ADAMTSL1: variants seen among roughly 807,000 people sequenced by gnomAD.
ADAMTSL1 encodes the protein ADAMTS-like protein 1.
A neutral mutation model predicts 201.8 loss-of-function variants in ADAMTSL1; 126 were observed. The ratio of observed to expected loss-of-function variants is 0.62; its 90% confidence interval spans 0.54 to 0.72. The LOEUF (loss-of-function observed/expected upper bound fraction) is 0.72, where lower values mean the gene tolerates loss of function less well. Among genes scored for constraint, ADAMTSL1 ranks in the 30% least tolerant of loss-of-function variants. The pLI is 0.00. For missense variants in ADAMTSL1, 2,679 were observed against 2,277.8 expected (o/e 1.18, Z -3.59); for synonymous variants, 1,121 against 903.4 (o/e 1.24, Z -4.32).
chr9:18,721,377 CA>C (rs1354084104), intron 14 of ADAMTSL1, among the ~76,000 whole-genome samples, 158 bp from the exon 15 acceptor site: 1 of 152,174 alleles, frequency 6.6e-6, no homozygotes, highest in Non-Finnish European at 1.5e-5. Context: ...TGATGCTTGA[CA>C]AGATTGGCAG....
In ADAMTSL1 at chr9:18,889,563, G is replaced by A; in HGVS notation, c.4463-5G>A. On this transcript the variant is annotated splice_region_variant and splice_polypyrimidine_tract_variant and intron_variant, in intron 24 of 28. Coordinates refer to ENST00000380548, the MANE Select transcript of ADAMTSL1 (RefSeq NM_001040272.6). ...TTTTCTACACTGCTCCTCCTCCCATGACAGATTACTGGTGGTCTGTGGACA... is the reference window on the plus strand; with the variant it reads ...TTTTCTACACTGCTCCTCCTCCCATAACAGATTACTGGTGGTCTGTGGACA... 2 of 1,613,416 alleles carry A rather than the reference G, an allele frequency of 1.2e-6. No homozygotes were observed. Among genetic ancestry groups the A allele is most frequent in the South Asian group, 2.2e-5 (2 of 91,016 alleles).
chr9:18,423,019 G>A (rs1364090481), intron 2 of ADAMTSL1, among the ~76,000 whole-genome samples: 10 of 152,154 alleles, frequency 6.6e-5, no homozygotes, highest in Non-Finnish European at 5.9e-5. Flanking sequence ...TAAGACCTTT[G>A]TATGGGATAG....
intron 23 of ADAMTSL1, among the ~76,000 whole-genome samples, chr9:18,886,414 C>A (rs1227466692): frequency 3.3e-5 from 5 of 151,654 alleles, no homozygotes; most frequent in African/African-American, 1.2e-4. Context: ...GAAAAAATCC[C>A]TTCTCTCTAT....
intron 23 of ADAMTSL1, among the ~76,000 whole-genome samples, chr9:18,861,805 G>C (rs1827230439): frequency 6.6e-6 from 1 of 152,066 alleles, no homozygotes; most frequent in Admixed American, 6.5e-5. Context: ...GAGCCAGCCA[G>C]ATCCTTTCAG....
intron 1 of ADAMTSL1, among the ~76,000 whole-genome samples, chr9:18,493,069 G>A (rs1049179885): frequency 6.6e-6 from 1 of 152,140 alleles, no homozygotes; most frequent in African/African-American, 2.4e-5. Flanking sequence ...ATATCACCTA[G>A]TCCCTAGCTT....
At chr9:18,707,079 G>T in intron 14 of ADAMTSL1, 31 bp downstream of exon 14, 1 of 1,591,480 alleles carries the variant, frequency 6.3e-7, no homozygotes, top group African/African-American at 1.3e-5. Flanking sequence ...TCAGATCCCC[G>T]CCATCTTCTT....
At chr9:18,458,517 C>T (rs145103369) in intron 2 of ADAMTSL1, among the ~76,000 whole-genome samples, 1 of 152,176 alleles carries the variant, frequency 6.6e-6, no homozygotes, top group Non-Finnish European at 1.5e-5. Context: ...TTTGCCCTAA[C>T]CTTCCATAGA....
intron 23 of ADAMTSL1, among the ~76,000 whole-genome samples, chr9:18,861,127 T>C (rs370268231): frequency 5.3e-5 from 8 of 151,074 alleles, no homozygotes; most frequent in Admixed American, 2.0e-4. Flanking sequence ...ATCATATACA[T>C]ATCCCTCGTT....
chr9:18,709,635 C>T (rs902789037), intron 14 of ADAMTSL1, among the ~76,000 whole-genome samples: 1 of 152,108 alleles, frequency 6.6e-6, no homozygotes, highest in African/African-American at 2.4e-5. Context: ...ACTGAAAATC[C>T]CATTTTCTGG....
chr9:18,500,471 T>G (rs929930645), intron 1 of ADAMTSL1, among the ~76,000 whole-genome samples: 5 of 152,218 alleles, frequency 3.3e-5, no homozygotes, highest in African/African-American at 1.2e-4. Context: ...GCTGAGTTTC[T>G]GAGAAGACAG....
chr9:18,396,657 C>T (rs149866008), intron 2 of ADAMTSL1, among the ~76,000 whole-genome samples: 2 of 151,166 alleles, frequency 1.3e-5, no homozygotes, highest in Admixed American at 1.3e-4. Flanking sequence ...AGAGTACCAG[C>T]CTTTATCAGC....
intron 17 of ADAMTSL1, among the ~76,000 whole-genome samples, chr9:18,771,283 C>T (rs369513932): frequency 1.3e-5 from 2 of 152,202 alleles, no homozygotes; most frequent in South Asian, 4.1e-4. Context: ...TTTCCTGGCT[C>T]TAAAATACTT....
intron 2 of ADAMTSL1, among the ~76,000 whole-genome samples, chr9:18,165,172 T>G (rs1241123775): frequency 2.0e-5 from 3 of 151,996 alleles, no homozygotes; most frequent in African/African-American, 4.8e-5. Flanking sequence ...TTCCTTCTTA[T>G]GAAAAATATC....
chr9:18,281,608 A>G (rs1197573257), intron 2 of ADAMTSL1, among the ~76,000 whole-genome samples: 2 of 152,264 alleles, frequency 1.3e-5, no homozygotes, highest in Non-Finnish European at 2.9e-5. Flanking sequence ...GTTTTTCAGT[A>G]ACTAAGGTAT....
chr9:18,532,215 T>C (rs955278900), intron 2 of ADAMTSL1, among the ~76,000 whole-genome samples: 5 of 152,166 alleles, frequency 3.3e-5, no homozygotes, highest in Admixed American at 6.5e-5. Context: ...TTTTTGTTCA[T>C]AGGAATGCAG....
chr9:18,315,644 C>T lies in ADAMTSL1; in HGVS notation c.207+151663C>T, dbSNP rs536408906. Among the ~76,000 whole-genome samples the T allele has an allele frequency of 5.3e-5, 8 of 152,328 alleles. No homozygotes were observed. In the South Asian group the frequency reaches 6.2e-4, roughly 12 times the overall value. ...CTGAGTGCGGGGCCCACCGATCCCG[C>T]GCCCACCTGGAACTCGCGCTGGCCC... On this transcript the variant is annotated intron_variant, in intron 2 of 29. Coordinates refer to the ADAMTSL1 transcript ENST00000680146.
intron 1 of ADAMTSL1, among the ~76,000 whole-genome samples, chr9:18,100,526 A>T (rs1824468421): frequency 6.6e-6 from 1 of 152,170 alleles, no homozygotes; most frequent in South Asian, 2.1e-4. Context: ...AAGTTCACAG[A>T]GCTCTATATT....
intron 1 of ADAMTSL1, among the ~76,000 whole-genome samples, chr9:18,005,292 A>G (rs1041362550): frequency 2.6e-5 from 4 of 152,086 alleles, no homozygotes; most frequent in African/African-American, 4.8e-5. Flanking sequence ...ACAGCTCACT[A>G]GAGAAGTGTG....
intron 2 of ADAMTSL1, among the ~76,000 whole-genome samples, chr9:18,508,299 A>G (rs1817804684): frequency 6.6e-6 from 1 of 152,044 alleles, no homozygotes; most frequent in South Asian, 2.1e-4. Flanking sequence ...ATTCTGTATC[A>G]CTTCACAAGT....
Sources: gnomAD v4.1 joint callset for allele counts (sites outside exome capture counted in the v4.1 genomes callset) on GRCh38, gnomAD v4.1.1 for gene constraint, MANE v1.5 for transcripts, NCBI Gene and HGNC (gene_info 2026-07-23, HGNC 2026-07-21) for gene names.